The following ENAH variants were observed in gnomAD, a reference collection of about 807,000 sequenced individuals.
The protein encoded by ENAH is protein enabled homolog.
ENAH carries 23 observed loss-of-function variants against 78.7 expected under a neutral mutation model. The ratio of observed to expected loss-of-function variants is 0.29; its 90% CI spans 0.21 to 0.41. The LOEUF is 0.41. Ranked by LOEUF, ENAH falls within the 10% of genes least tolerant of loss-of-function variation. The pLI, the probability that ENAH is intolerant of heterozygous loss-of-function variation, is 1.00. For missense variants in ENAH, 544 were observed against 691.0 expected (o/e 0.79, Z 2.39); for synonymous variants, 226 against 241.0 (o/e 0.94, Z 0.58).
rs866112682 is a variant in ENAH at position 225,514,667 on chromosome 1, A to G, written c.1147T>C (p.Ser383Pro). The change falls in exon 7 of 14, where the codon TCA becomes CCA. Residue 383 changes from serine (S) to proline (P), a missense_variant. By Grantham distance (74) the Ser-to-Pro change is moderately conservative (BLOSUM62 -1). Coordinates refer to ENST00000366843, the MANE Select transcript of ENAH (RefSeq NM_018212.6). Reference sequence around the variant, plus strand: ...CCAGTTAAAGGGCGATTGTCTTCTGACATGGATGCCAAAAAGAATCCAGAT... The same window carrying G: ...CCAGTTAAAGGGCGATTGTCTTCTGGCATGGATGCCAAAAAGAATCCAGAT... ...PASGFFLASM[S>P]EDNRPLTGLA... 9 of 1,610,244 alleles carry G rather than the reference A, an allele frequency of 5.6e-6. No homozygotes were observed. Among genetic ancestry groups the G allele is most frequent in the Non-Finnish European group, 7.6e-6 (9 of 1,178,884 alleles).
chr1:225,623,587 GTT>G (rs10600222), intron 1 of ENAH, among the ~76,000 whole-genome samples: 49,316 of 137,538 alleles, frequency 0.36, 10,341 homozygotes, highest in African/African-American at 0.61. Context: ...TTTTTGTTGG[GTT>G]TTTTTTTTTT....
intron 1 of ENAH, among the ~76,000 whole-genome samples, chr1:225,569,015 C>T (rs1001995098): frequency 2.0e-5 from 3 of 152,156 alleles, no homozygotes; most frequent in African/African-American, 7.2e-5. Context: ...ATGACTAAAA[C>T]TTGAATTAGT....
intron 3 of ENAH, 144 bp from the exon 4 acceptor site, chr1:225,530,782 A>G (rs1269730894): frequency 7.9e-6 from 5 of 635,632 alleles, no homozygotes; most frequent in Non-Finnish European, 1.4e-5. Flanking sequence ...TATAAGCTTT[A>G]CATAACACAG....
At position 225,489,588 on chromosome 1, in the gene ENAH, G is replaced by T. The variant is rs2096213215; in HGVS notation, c.*8187C>A. Reference sequence around the variant, plus strand: ...ATCAAAAGAAGAATAAACCAAAAAAGATTAAAAAAAAAGAATAAACCAACC... The same window carrying T: ...ATCAAAAGAAGAATAAACCAAAAAATATTAAAAAAAAAGAATAAACCAACC... On this transcript the variant is annotated 3_prime_UTR_variant, in exon 14 of 14. Transcript: ENST00000366843. 1 of 149,772 alleles carries T rather than the reference G, an allele frequency of 6.7e-6. No homozygotes were observed. Among genetic ancestry groups the T allele is most frequent in the South Asian group, 2.3e-4 (1 of 4,414 alleles). 9.3% of individuals were successfully genotyped at this position (149,772 alleles called of 1,614,324 possible).
rs141742304 is a variant in ENAH, at chr1:225,630,732, C to T, written c.5+21954G>A. Reference sequence around the variant, plus strand: ...AAGTTTAGGGTTCCTATTTAAAAAACTTTATCAATAAAAGGGTTTTTTGGG... The same window carrying T: ...AAGTTTAGGGTTCCTATTTAAAAAATTTTATCAATAAAAGGGTTTTTTGGG... On this transcript the variant is annotated intron_variant, in intron 1 of 13. Coordinates refer to ENST00000366843, the MANE Select transcript of ENAH (RefSeq NM_018212.6). Among the ~76,000 whole-genome samples the T allele has an allele frequency of 5.1e-3, 779 of 152,218 alleles. 10 individuals are homozygous for T. Among genetic ancestry groups the T allele is most frequent in the African/African-American group, 0.018 (732 of 41,528 alleles).
chr1:225,529,194 A>G (rs1459676172), intron 4 of ENAH, among the ~76,000 whole-genome samples: 1 of 152,160 alleles, frequency 6.6e-6, no homozygotes, highest in Non-Finnish European at 1.5e-5. Context: ...TTTCTCTCAG[A>G]GTAAAGGTTA....
At chr1:225,571,350 G>A (rs2096761275) in intron 1 of ENAH, among the ~76,000 whole-genome samples, 1 of 151,672 alleles carries the variant, frequency 6.6e-6, no homozygotes, top group Non-Finnish European at 1.5e-5. Context: ...TCCAGCCTGG[G>A]CGACAGAGTG....
chr1:225,516,769 C>G (rs973416458), intron 6 of ENAH, among the ~76,000 whole-genome samples: 1 of 151,520 alleles, frequency 6.6e-6, no homozygotes, highest in African/African-American at 2.4e-5. Context: ...TGCTACTCAG[C>G]TGGCTAAGGC....
chr1:225,616,199 C>T (rs920331041), intron 1 of ENAH, among the ~76,000 whole-genome samples: 3 of 151,870 alleles, frequency 2.0e-5, no homozygotes, highest in African/African-American at 7.3e-5. Flanking sequence ...TGCGGAAGGC[C>T]GCAGGGTCCT....
intron 3 of ENAH, among the ~76,000 whole-genome samples, chr1:225,552,679 T>C (rs2096647166): frequency 6.6e-6 from 1 of 152,184 alleles, no homozygotes; most frequent in African/African-American, 2.4e-5. Context: ...GATGGACTCA[T>C]TTCTTCCACC....
intron 1 of ENAH, among the ~76,000 whole-genome samples, chr1:225,650,640 G>A (rs146970721): frequency 4.6e-5 from 7 of 151,924 alleles, no homozygotes; most frequent in South Asian, 2.1e-4. Context: ...CACGAGGTCC[G>A]GAGTTGGAGA....
chr1:225,536,212 G>C (rs551092584), intron 3 of ENAH, among the ~76,000 whole-genome samples: 36 of 151,736 alleles, frequency 2.4e-4, no homozygotes, highest in Admixed American at 2.4e-3. Flanking sequence ...AAAAATGTGT[G>C]GCCAGATCAA....
chr1:225,596,403 G>C (rs2096902111), intron 1 of ENAH, among the ~76,000 whole-genome samples: 1 of 152,072 alleles, frequency 6.6e-6, no homozygotes, highest in South Asian at 2.1e-4. Context: ...GCCCTCTCTG[G>C]TTTTCAATGT....
At chr1:225,645,255 T>C (rs912428121) in intron 1 of ENAH, among the ~76,000 whole-genome samples, 1 of 152,254 alleles carries the variant, frequency 6.6e-6, no homozygotes, top group African/African-American at 2.4e-5. Context: ...TATATAGATC[T>C]GTCTATTCTG....
chr1:225,505,405 T>C (rs934327620), intron 11 of ENAH, among the ~76,000 whole-genome samples: 3 of 152,242 alleles, frequency 2.0e-5, no homozygotes, highest in Non-Finnish European at 4.4e-5. Context: ...TAACCACAGA[T>C]GAATGCACCA....
At chr1:225,550,668 A>G (rs1353899420) in intron 3 of ENAH, among the ~76,000 whole-genome samples, 2 of 152,234 alleles carry the variant, frequency 1.3e-5, no homozygotes, top group Admixed American at 6.5e-5. Context: ...TGAAATCTCA[A>G]TATTATAAAA....
chr1:225,506,719 T>C (rs2096333658), intron 11 of ENAH, among the ~76,000 whole-genome samples: 1 of 152,204 alleles, frequency 6.6e-6, no homozygotes, highest in African/African-American at 2.4e-5. Flanking sequence ...CTTTTATACA[T>C]TCCAAAAGGC....
intron 1 of ENAH, among the ~76,000 whole-genome samples, chr1:225,620,863 G>A (rs1202293227): frequency 2.0e-5 from 3 of 151,936 alleles, no homozygotes; most frequent in African/African-American, 7.3e-5. Context: ...AAATTAGCTG[G>A]GCATGGTGGC....
intron 1 of ENAH, among the ~76,000 whole-genome samples, chr1:225,567,645 G>A (rs2096741470): frequency 6.6e-6 from 1 of 152,086 alleles, no homozygotes; most frequent in South Asian, 2.1e-4. Flanking sequence ...CAGGATCCAC[G>A]AAGAACACTT....
Sources: allele counts gnomAD v4.1 joint callset (sites outside exome capture counted in the v4.1 genomes callset), GRCh38; gene constraint gnomAD v4.1.1; transcripts MANE v1.5; gene names NCBI Gene and HGNC (gene_info 2026-07-23, HGNC 2026-07-21).